The following AGO3 variants were observed in gnomAD, a reference collection of about 807,000 sequenced individuals.
AGO3 encodes the protein argonaute RISC catalytic component 3.
A neutral mutation model predicts 105.5 loss-of-function variants in AGO3; 16 were observed. The observed-to-expected ratio is 0.15, with a 90% CI of 0.10 to 0.23. The LOEUF is 0.23. Ranked by LOEUF, AGO3 falls within the 10% of genes least tolerant of loss-of-function variation. The probability of loss-of-function intolerance (pLI) is 1.00; values close to 1 mark genes in which losing one functional copy is unlikely to be tolerated. For missense variants in AGO3, 534 were observed against 1,088.0 expected (o/e 0.49, Z 7.16); for synonymous variants, 340 against 367.3 (o/e 0.93, Z 0.85).
At chr1:36,040,667 G>A (rs1452026210) in intron 16 of AGO3, among the ~76,000 whole-genome samples, 1 of 152,068 alleles carries the variant, frequency 6.6e-6, no homozygotes, top group Admixed American at 6.6e-5. Context: ...TTTTTGTTGT[G>A]AAGAAACTCA....
At chr1:36,046,167 C>T (rs1009771053) in intron 17 of AGO3, among the ~76,000 whole-genome samples, 12 of 152,114 alleles carry the variant, frequency 7.9e-5, no homozygotes, top group African/African-American at 2.9e-4. Flanking sequence ...CCTCCCAACC[C>T]GAGAAAAGGA....
At chr1:36,001,393 C>T (rs1288573621) in intron 5 of AGO3, among the ~76,000 whole-genome samples, 1 of 152,104 alleles carries the variant, frequency 6.6e-6, no homozygotes, top group African/African-American at 2.4e-5. Context: ...CATAACTCTC[C>T]CTCAGAGGAC....
intron 1 of AGO3, among the ~76,000 whole-genome samples, chr1:35,933,326 A>G (rs561066064): frequency 9.2e-5 from 14 of 152,336 alleles, no homozygotes; most frequent in African/African-American, 3.4e-4. Context: ...AGTTGAAAGC[A>G]TAGCTGTGCA....
At position 36,027,950 on chromosome 1, in the gene AGO3, C is replaced by T. The variant is rs375848700; in HGVS notation, c.1591+652C>T. Among the ~76,000 whole-genome samples the T allele has an allele frequency of 1.3e-5, 2 of 152,120 alleles. No individual in the cohort carries two copies. The highest frequency in any genetic ancestry group is 2.4e-5 in the African/African-American group (1 of 41,406). On this transcript the variant is annotated intron_variant, in intron 12 of 18. Transcript: ENST00000373191. The surrounding 1 kb of genome is among the most constrained non-coding windows in gnomAD (Gnocchi z 4.0). ...GTGTTGCTCAATATTCAGGTACTGC[C>T]GGTTCTACTACCTGTGTGATTTGGC...
chr1:36,010,706 A>G (rs1049099608), intron 9 of AGO3, among the ~76,000 whole-genome samples: 5 of 151,980 alleles, frequency 3.3e-5, no homozygotes, highest in Non-Finnish European at 7.4e-5. Context: ...TTGGGAGTTC[A>G]AGACCAGCCT....
intron 5 of AGO3, chr1:35,982,654 T>G: frequency 1.4e-6 from 1 of 717,402 alleles, no homozygotes; most frequent in Non-Finnish European, 2.6e-6. Context: ...GGAGAATAGA[T>G]AGAGGAGAAA....
rs1642488553 is a variant in AGO3, at chr1:36,046,691, T to G, written c.2274+3143T>G. The stretch of plus-strand genomic sequence containing the variant: ...CTCTCCAGTGCCTAAATTGAAGGAG[T>G]ACATTGCATCTCAATGTACTAAGCA... On this transcript the variant is annotated intron_variant, in intron 17 of 18. Transcript: ENST00000373191. Among the ~76,000 whole-genome samples, 6 of 103,418 alleles carry G rather than the reference T, an allele frequency of 5.8e-5. 1 individual carries two copies. In the Admixed American group the frequency reaches 6.7e-4, roughly 11 times the overall value. The allele number at this position is 103,418 out of a possible 152,430, so 67.8% of individuals were successfully genotyped here. A position where few individuals can be genotyped will look rare whatever the true frequency, so the allele number is the denominator to read the frequency against.
At chr1:36,014,694 C>T (rs1019543969) in intron 11 of AGO3, among the ~76,000 whole-genome samples, 9 of 150,722 alleles carry the variant, frequency 6.0e-5, no homozygotes, top group Non-Finnish European at 1.3e-4. Context: ...TGGCATGAAC[C>T]CAGGAGGCGG....
At chr1:36,054,874 T>G in intron 17 of AGO3, 72 bp from the exon 18 acceptor site, 1 of 1,462,370 alleles carries the variant, frequency 6.8e-7, no homozygotes, top group Non-Finnish European at 9.5e-7. Context: ...AGAGCAAGAC[T>G]TTGTCTCAAA....
At chr1:36,009,720 C>G in intron 9 of AGO3, 126 bp downstream of exon 9, 1 of 997,734 alleles carries the variant, frequency 1.0e-6, no homozygotes, top group Non-Finnish European at 1.4e-6. Flanking sequence ...TAAAAGCAAT[C>G]ATGGAAGTAA....
chr1:36,050,589 C>T (rs530834647), intron 17 of AGO3, among the ~76,000 whole-genome samples: 5 of 151,782 alleles, frequency 3.3e-5, no homozygotes, highest in South Asian at 2.1e-4. Flanking sequence ...GTCAGGAGTT[C>T]GTGACCAGCC....
chr1:35,996,592 G>A (rs184138614), intron 5 of AGO3, among the ~76,000 whole-genome samples: 74 of 151,942 alleles, frequency 4.9e-4, no homozygotes, highest in African/African-American at 1.5e-3. Context: ...CCAACATGGC[G>A]AAACCCCATC....
intron 3 of AGO3, among the ~76,000 whole-genome samples, chr1:35,968,440 C>T (rs1646811408): frequency 6.6e-6 from 1 of 152,100 alleles, no homozygotes; most frequent in South Asian, 2.1e-4. Flanking sequence ...ATCCATTGCT[C>T]CCTCCCCTCA....
At chr1:35,936,779 A>G (rs950386451) in intron 1 of AGO3, among the ~76,000 whole-genome samples, 2 of 152,100 alleles carry the variant, frequency 1.3e-5, no homozygotes, top group African/African-American at 2.4e-5. Flanking sequence ...ACTATGTTGC[A>G]CAGGCTGGTC....
chr1:35,934,091 C>T (rs1328055946), intron 1 of AGO3, among the ~76,000 whole-genome samples: 1 of 152,098 alleles, frequency 6.6e-6, no homozygotes, highest in Non-Finnish European at 1.5e-5. Flanking sequence ...TGATGAAACA[C>T]CGTTTTTTAT....
intron 13 of AGO3, among the ~76,000 whole-genome samples, chr1:36,034,563 A>G (rs1641921384): frequency 6.6e-6 from 1 of 152,210 alleles, no homozygotes; most frequent in Non-Finnish European, 1.5e-5. Context: ...TAAGGAAAGA[A>G]TGAAGCAAAG....
Position 36,013,909 on chromosome 1 carries a change from G to T in AGO3, c.1273-6G>T, listed in dbSNP as rs773946014. The T allele has an allele frequency of 6.2e-7, 1 of 1,607,774 alleles. No homozygotes were observed. Among genetic ancestry groups the T allele is most frequent in the Non-Finnish European group, 8.5e-7 (1 of 1,177,338 alleles). ...TTCACCATGTTATTTTTTTCTCCTCGTGTAGAATCGGACAGTAGCAACACC... is the reference window on the plus strand; with the variant it reads ...TTCACCATGTTATTTTTTTCTCCTCTTGTAGAATCGGACAGTAGCAACACC... On this transcript the variant is annotated splice_region_variant and splice_polypyrimidine_tract_variant and intron_variant, in intron 10 of 18. Transcript: ENST00000373191.
chr1:35,951,156 G>C (rs746921363), intron 2 of AGO3, among the ~76,000 whole-genome samples: 3 of 152,162 alleles, frequency 2.0e-5, no homozygotes, highest in Non-Finnish European at 2.9e-5. Context: ...TCGCCATGTT[G>C]ATCAGGCTGG....
intron 5 of AGO3, among the ~76,000 whole-genome samples, chr1:35,995,053 T>G (rs1021122692): frequency 6.6e-5 from 10 of 151,472 alleles, no homozygotes; most frequent in Non-Finnish European, 1.3e-4. Context: ...CAAAAAAAAT[T>G]AGCCGGGCAT....
Sources: allele counts gnomAD v4.1 joint callset (sites outside exome capture counted in the v4.1 genomes callset), GRCh38; gene constraint gnomAD v4.1.1; non-coding constraint Gnocchi (gnomAD v3.1); transcripts MANE v1.5; gene names NCBI Gene and HGNC (gene_info 2026-07-23, HGNC 2026-07-21).